The following HNRNPUL1 variants were observed in gnomAD, a reference collection of about 807,000 sequenced individuals.
HNRNPUL1 encodes the protein heterogeneous nuclear ribonucleoprotein U-like protein 1.
Under a neutral mutation model 108.5 loss-of-function variants are expected in HNRNPUL1, and 14 were observed. The ratio of observed to expected loss-of-function variants is 0.13; its 90% CI spans 0.09 to 0.20. The LOEUF is 0.20. HNRNPUL1 is among the 10% of genes least tolerant of loss of function. HNRNPUL1 has a pLI of 1.00. For synonymous variants in HNRNPUL1, 422 were observed against 445.2 expected, an observed-to-expected ratio of 0.95 and a Z score of 0.66; for missense variants, 804 against 1,168.3, an observed-to-expected ratio of 0.69 and a Z score of 4.55.
At chr19:41,270,509 A>G (rs141232552) in intron 2 of HNRNPUL1, among the ~76,000 whole-genome samples, 1 of 151,842 alleles carries the variant, frequency 6.6e-6, no homozygotes, top group African/African-American at 2.4e-5. Context: ...CTTGTGTTGT[A>G]TCGTTTAAAC....
At chr19:41,289,049 A>T (rs1290351602) in intron 7 of HNRNPUL1, among the ~76,000 whole-genome samples, 2 of 152,260 alleles carry the variant, frequency 1.3e-5, no homozygotes, top group South Asian at 2.1e-4. Flanking sequence ...CTACACTCCA[A>T]ACAGGTTGCA....
In HNRNPUL1 at chr19:41,292,907, C is replaced by T. The variant is rs1463531863; in HGVS notation, c.1266+396C>T. Among the ~76,000 whole-genome samples the T allele has an allele frequency of 6.6e-6, 1 of 151,832 alleles. No homozygotes were observed. The highest frequency in any genetic ancestry group is 2.4e-5 in the African/African-American group (1 of 41,308). On this transcript the variant is annotated intron_variant, in intron 8 of 14. Transcript: ENST00000392006. The surrounding 1 kb of genome is among the most constrained non-coding windows in gnomAD (Gnocchi z 4.1). Reference sequence around the variant, plus strand: ...TCACCCAGGCTGGAGTGCAGTGGTGCGATCACGGCTTACTGCAGCCTTGAC... The same window carrying T: ...TCACCCAGGCTGGAGTGCAGTGGTGTGATCACGGCTTACTGCAGCCTTGAC...
Position 41,268,328 on chromosome 19 carries a change from A to G in HNRNPUL1, c.401A>G (p.Gln134Arg). 6.2e-7 allele frequency: 1 copy of G among 1,613,858 alleles called. No individual in the cohort carries two copies. The change falls in exon 2 of 15, where the codon CAG becomes CGG. Residue 134 changes from glutamine (Q) to arginine (R), a missense_variant. Around this residue, in one of 4 missense-constraint regions of HNRNPUL1, gnomAD observed 256 missense variants for 261.6 expected, o/e 0.98. Coordinates refer to ENST00000392006, the MANE Select transcript of HNRNPUL1 (RefSeq NM_007040.6). ...AGGAGACCACTGGAAATGGAGCAGC[A>G]GCAGGCCTATCGTCCAGGTAGGAAA... ...YERRPLEMEQ[Q>R]QAYRPEMKTE...
chr19:41,277,503 T>C (rs559457953), intron 5 of HNRNPUL1, among the ~76,000 whole-genome samples: 1 of 152,254 alleles, frequency 6.6e-6, no homozygotes, highest in Non-Finnish European at 1.5e-5. Flanking sequence ...TCTTTTTTTG[T>C]TTGTTTGTTT....
At position 41,294,806 on chromosome 19, in the gene HNRNPUL1, CG is replaced by C. The variant is rs543171907; in HGVS notation, c.1518+127del. On this transcript the variant is annotated intron_variant, in intron 10 of 14. Transcript: ENST00000392006. The surrounding 1 kb of genome is among the most constrained non-coding windows in gnomAD (Gnocchi z 4.3). ...AATGATGATGGACTGCTGTGCTAGT[CG>C]GGGGGGTCAGACCTTGTCATACATG... is the stretch of plus-strand genomic sequence containing the variant. 43 of 1,219,940 alleles carry C rather than the reference CG, an allele frequency of 3.5e-5. No individual in the cohort carries two copies. Among genetic ancestry groups the C allele is most frequent in the South Asian group, 6.8e-5 (5 of 73,614 alleles). 75.6% of individuals were successfully genotyped at this position (1,219,940 alleles called of 1,614,324 possible).
chr19:41,289,705 T>A (rs1599822484), intron 7 of HNRNPUL1, among the ~76,000 whole-genome samples: 2 of 146,480 alleles, frequency 1.4e-5, no homozygotes, highest in South Asian at 4.3e-4. Flanking sequence ...ATACCTGCTC[T>A]CCATGGTCTT....
At chr19:41,276,369 T>C in intron 5 of HNRNPUL1, 71 bp downstream of exon 5, 1 of 1,512,700 alleles carries the variant, frequency 6.6e-7, no homozygotes, top group East Asian at 2.3e-5. Context: ...ACCAGCCACC[T>C]TGGTCAGAGC....
chr19:41,267,072 A>C (rs1335657221), intron 1 of HNRNPUL1, among the ~76,000 whole-genome samples: 2 of 152,218 alleles, frequency 1.3e-5, no homozygotes, highest in Non-Finnish European at 2.9e-5. Flanking sequence ...ACTTCGTTTC[A>C]AATCTGGCTT....
At chr19:41,270,512 G>A (rs369716396) in intron 2 of HNRNPUL1, among the ~76,000 whole-genome samples, 3 of 149,978 alleles carry the variant, frequency 2.0e-5, no homozygotes, top group Non-Finnish European at 4.4e-5. Context: ...GTGTTGTATC[G>A]TTTAAACTTA....
At position 41,301,684 on chromosome 19, in the gene HNRNPUL1, A is replaced by C; in HGVS notation, c.1667A>C (p.His556Pro). Residue 556 changes from histidine (H) to proline (P), a missense_variant, in exon 11 of 15, where the codon CAT becomes CCT. This residue lies in a region of HNRNPUL1 where 80 missense variants were observed against 221.8 expected (regional missense o/e 0.36). Transcript: ENST00000392006. ...TDEEGKDVPD[H>P]AVLEMKANFT... ...GAGGAAGGGAAGGATGTCCCAGATC[A>C]TGCGGTCTTAGAAATGAAAGGTAGG... 2 of 1,613,558 alleles carry C rather than the reference A, an allele frequency of 1.2e-6. No individual in the cohort carries two copies. Among genetic ancestry groups the C allele is most frequent in the Non-Finnish European group, 1.7e-6 (2 of 1,179,772 alleles).
chr19:41,270,676 A>G (rs2035178078), intron 2 of HNRNPUL1, among the ~76,000 whole-genome samples: 1 of 147,690 alleles, frequency 6.8e-6, no homozygotes, highest in African/African-American at 2.5e-5. Context: ...GCTCACTGCA[A>G]CCTCTGCCTC....
chr19:41,302,639 T>G (rs1315318787), intron 11 of HNRNPUL1, 26 bp from the exon 12 acceptor site: 3 of 1,614,018 alleles, frequency 1.9e-6, no homozygotes, highest in South Asian at 2.2e-5. Flanking sequence ...CTTCTTGTTC[T>G]CTTTGGGGCA....
Position 41,306,672 on chromosome 19 carries a change from T to A in HNRNPUL1, c.*107T>A. ...AGATCCCGTGGTGCTGGGGATGGGG[T>A]CATCCCAGGGCTGCCTCCCTCCAGC... On this transcript the variant is annotated 3_prime_UTR_variant, in exon 15 of 15. Transcript: ENST00000392006. 1 of 651,738 alleles carries A rather than the reference T, an allele frequency of 1.5e-6. No individual in the cohort carries two copies. The highest frequency in any genetic ancestry group is 2.4e-6 in the Non-Finnish European group (1 of 410,286). The allele number at this position is 651,738 out of a possible 1,614,324, so 40.4% of individuals were successfully genotyped here. A position where few individuals can be genotyped will look rare whatever the true frequency, so the allele number is the denominator to read the frequency against.
intron 4 of HNRNPUL1, among the ~76,000 whole-genome samples, chr19:41,275,892 C>A (rs564849184): frequency 6.6e-6 from 1 of 152,070 alleles, no homozygotes; most frequent in African/African-American, 2.4e-5. Flanking sequence ...CACCTGAGGT[C>A]GGGAGTTCGA....
intron 7 of HNRNPUL1, among the ~76,000 whole-genome samples, chr19:41,284,995 C>CA (rs773865440): frequency 0.19 from 11,466 of 60,984 alleles, 711 homozygotes; most frequent in African/African-American, 0.26. Flanking sequence ...GACTCTGTCT[C>CA]AAAAAAAAAA....
chr19:41,302,963 C>T lies in HNRNPUL1; in HGVS notation c.1972+14C>T. Reference sequence around the variant, plus strand: ...ACTACCGAGGAGGTGAGACATCTCACACACAGCACTCTCCACTTTCTGTTC... The same window carrying T: ...ACTACCGAGGAGGTGAGACATCTCATACACAGCACTCTCCACTTTCTGTTC... On this transcript the variant is annotated intron_variant, in intron 12 of 14. Transcript: ENST00000392006. 6.6e-7 allele frequency: 1 copy of T among 1,516,980 alleles called. No individual in the cohort carries two copies. The highest frequency in any genetic ancestry group is 8.8e-7 in the Non-Finnish European group (1 of 1,134,384). 94.0% of individuals were successfully genotyped at this position (1,516,980 alleles called of 1,614,324 possible).
intron 4 of HNRNPUL1, among the ~76,000 whole-genome samples, chr19:41,275,528 C>G (rs367837977): frequency 2.0e-5 from 3 of 152,092 alleles, no homozygotes; most frequent in Admixed American, 2.0e-4. Context: ...GATATGGACC[C>G]TATCCCTAGC....
intron 2 of HNRNPUL1, among the ~76,000 whole-genome samples, chr19:41,271,798 T>G (rs1467084921): frequency 6.6e-6 from 1 of 152,178 alleles, no homozygotes; most frequent in Non-Finnish European, 1.5e-5. Context: ...CCCCCTCCCT[T>G]GCCAGACTGA....
chr19:41,287,436 T>G (rs1221363714), intron 7 of HNRNPUL1, among the ~76,000 whole-genome samples: 3 of 152,226 alleles, frequency 2.0e-5, no homozygotes, highest in Non-Finnish European at 4.4e-5. Context: ...TTCGTCCAGT[T>G]GAGTTTCTAG....
Sources: allele counts gnomAD v4.1 joint callset (sites outside exome capture counted in the v4.1 genomes callset), GRCh38; gene constraint gnomAD v4.1.1; regional missense constraint gnomAD v4.1.1; non-coding constraint Gnocchi (gnomAD v3.1); transcripts MANE v1.5; gene names NCBI Gene and HGNC (gene_info 2026-07-23, HGNC 2026-07-21).